The following EYA1 variants were observed in gnomAD, a reference collection of about 807,000 sequenced individuals.
The protein encoded by EYA1 is EYA transcriptional coactivator and phosphatase 1, also known as protein phosphatase EYA1.
In EYA1, 16 loss-of-function variants were observed where a neutral mutation model predicts 82.0. That is an observed-to-expected ratio of 0.20 (90% CI 0.13 to 0.30). EYA1 has a LOEUF of 0.30. Among genes scored for constraint, EYA1 ranks in the 10% least tolerant of loss-of-function variants. The pLI, the probability that EYA1 is intolerant of heterozygous loss-of-function variation, is 1.00. For missense variants in EYA1, 633 were observed against 730.7 expected (o/e 0.87, Z 1.54); for synonymous variants, 261 against 264.4 (o/e 0.99, Z 0.12).
At chr8:71,483,652 G>A (rs1563659982) in intron 2 of EYA1, among the ~76,000 whole-genome samples, 1 of 150,816 alleles carries the variant, frequency 6.6e-6, no homozygotes, top group South Asian at 2.1e-4. Context: ...GCCTAATAGC[G>A]TCAATGGTAT....
At chr8:71,399,285 C>A (rs1478413270) in intron 2 of EYA1, among the ~76,000 whole-genome samples, 2 of 151,846 alleles carry the variant, frequency 1.3e-5, no homozygotes, top group Non-Finnish European at 2.9e-5. Context: ...GCTGAACCCA[C>A]TGTCTGACAA....
rs540977951 is a variant in EYA1, at chr8:71,452,208, G to A, written c.33+83536C>T. The stretch of plus-strand genomic sequence containing the variant: ...GTCTGAGATCCAACTGCAAGGCAGC[G>A]GCAAGGCTGGGGAAGGGGCGCCCGC... On this transcript the variant is annotated intron_variant, in intron 2 of 18. Transcript: ENST00000643681. Among the ~76,000 whole-genome samples, 23 of 152,288 alleles carry A rather than the reference G, an allele frequency of 1.5e-4. 1 individual carries two copies. The highest frequency in any genetic ancestry group is 4.8e-4 in the African/African-American group (20 of 41,556).
Position 71,315,615 on chromosome 8 carries a change from T to C in EYA1, c.556+1937A>G, listed in dbSNP as rs141922877. ...CTCTTTGGCAAGAATGAAAGCTCTA[T>C]GAGCAAACAGACCTTGTCTGCCTTA... On this transcript the variant is annotated intron_variant, in intron 7 of 17. Transcript: ENST00000340726. 4.2e-3 allele frequency among the ~76,000 whole-genome samples: 636 copies of C among 152,356 alleles called. 3 individuals carry two copies. Among genetic ancestry groups the C allele is most frequent in the Admixed American group, 9.1e-3 (139 of 15,304 alleles).
chr8:71,236,644 G>A (rs1451629509), intron 12 of EYA1, among the ~76,000 whole-genome samples: 1 of 152,170 alleles, frequency 6.6e-6, no homozygotes, highest in African/African-American at 2.4e-5. Flanking sequence ...CCACTCTACA[G>A]TTGTGTGACC....
intron 3 of EYA1, among the ~76,000 whole-genome samples, chr8:71,350,024 T>C (rs1195870701): frequency 6.6e-6 from 1 of 152,220 alleles, no homozygotes; most frequent in East Asian, 1.9e-4. Context: ...GGACAATTTA[T>C]AAGAGGCCAA....
intron 2 of EYA1, among the ~76,000 whole-genome samples, chr8:71,516,980 A>C (rs113761284): frequency 6.6e-6 from 1 of 152,058 alleles, no homozygotes; most frequent in African/African-American, 2.4e-5. Context: ...GTGCTTAATC[A>C]ACTTAATTCT....
intron 4 of EYA1, among the ~76,000 whole-genome samples, chr8:71,327,553 C>G (rs1473740434): frequency 6.6e-6 from 1 of 152,184 alleles, no homozygotes; most frequent in Non-Finnish European, 1.5e-5. Context: ...ATGGGCCTCA[C>G]TTTACGATAT....
intron 2 of EYA1, among the ~76,000 whole-genome samples, chr8:71,517,723 AT>A (rs1351152790): frequency 1.4e-5 from 2 of 140,480 alleles, no homozygotes; most frequent in Non-Finnish European, 3.0e-5. Flanking sequence ...ATATATATAT[AT>A]ATAACTGTAT....
At chr8:71,482,229 C>T (rs1056349460) in intron 2 of EYA1, among the ~76,000 whole-genome samples, 4 of 152,082 alleles carry the variant, frequency 2.6e-5, no homozygotes, top group Non-Finnish European at 4.4e-5. Flanking sequence ...AAAAAATGAG[C>T]ATATGATCTG....
intron 2 of EYA1, among the ~76,000 whole-genome samples, chr8:71,402,070 C>T (rs1829987267): frequency 6.6e-6 from 1 of 152,190 alleles, no homozygotes; most frequent in Non-Finnish European, 1.5e-5. Context: ...CCCTCAGGAA[C>T]TTGAGTTATT....
At chr8:71,462,484 G>T (rs1027246447) in intron 2 of EYA1, among the ~76,000 whole-genome samples, 2 of 152,184 alleles carry the variant, frequency 1.3e-5, no homozygotes, top group African/African-American at 4.8e-5. Flanking sequence ...GTACAGAGGT[G>T]CAAAGATGCC....
chr8:71,407,879 A>G (rs889199183), intron 2 of EYA1, among the ~76,000 whole-genome samples: 2 of 150,042 alleles, frequency 1.3e-5, no homozygotes, highest in African/African-American at 4.9e-5. Flanking sequence ...GAACACCACA[A>G]AGATACTCCT....
chr8:71,237,139 C>G (rs1054188519), intron 12 of EYA1, among the ~76,000 whole-genome samples: 8 of 152,022 alleles, frequency 5.3e-5, no homozygotes, highest in Admixed American at 3.3e-4. Context: ...GCAACCTCCG[C>G]CTCCCGGGTT....
chr8:71,218,777 T>G (rs935333907), intron 12 of EYA1, among the ~76,000 whole-genome samples: 5 of 152,176 alleles, frequency 3.3e-5, no homozygotes, highest in Admixed American at 2.0e-4. Flanking sequence ...TAACCAGGAA[T>G]GTAATTTTTA....
upstream of EYA1, among the ~76,000 whole-genome samples, chr8:71,365,798 C>A (rs1342007126): frequency 6.6e-6 from 1 of 152,154 alleles, no homozygotes; most frequent in Non-Finnish European, 1.5e-5. Flanking sequence ...GAGGGTCCTG[C>A]TCCCAGGAGC....
chr8:71,486,235 C>G (rs1034119644), intron 2 of EYA1, among the ~76,000 whole-genome samples: 2 of 152,162 alleles, frequency 1.3e-5, no homozygotes, highest in Non-Finnish European at 2.9e-5. Context: ...CTGTGTTTTT[C>G]CTCCTTATGG....
intron 2 of EYA1, among the ~76,000 whole-genome samples, chr8:71,511,771 T>C (rs1003714177): frequency 2.0e-5 from 3 of 152,136 alleles, no homozygotes; most frequent in Non-Finnish European, 2.9e-5. Flanking sequence ...AGCCTCACGA[T>C]TGAATAAAAA....
At chr8:71,332,360 A>T (rs913509038) in intron 4 of EYA1, among the ~76,000 whole-genome samples, 1 of 152,128 alleles carries the variant, frequency 6.6e-6, no homozygotes, top group African/African-American at 2.4e-5. Flanking sequence ...CTCACAGTCA[A>T]CATGCCCAAA....
At chr8:71,352,583 G>A (rs1033822499) in intron 3 of EYA1, among the ~76,000 whole-genome samples, 2 of 152,068 alleles carry the variant, frequency 1.3e-5, no homozygotes, top group African/African-American at 2.4e-5. Flanking sequence ...TTGTGTATTC[G>A]TCTGAAATCA....
Sources: gnomAD v4.1 joint callset for allele counts (sites outside exome capture counted in the v4.1 genomes callset) on GRCh38, gnomAD v4.1.1 for gene constraint, MANE v1.5 for transcripts, NCBI Gene and HGNC (gene_info 2026-07-23, HGNC 2026-07-21) for gene names.